Variants in NDEL1 observed in about 807,000 individuals in gnomAD.
NDEL1 encodes nuclear distribution protein nudE-like 1.
A neutral mutation model predicts 45.7 loss-of-function variants in NDEL1; 9 were observed. That is an observed-to-expected ratio of 0.20 (90% CI 0.12 to 0.34). NDEL1 has a LOEUF of 0.34. NDEL1 is among the 10% of genes least tolerant of loss of function. NDEL1 has a pLI of 1.00. For missense variants in NDEL1, 306 were observed against 406.2 expected, an observed-to-expected ratio of 0.75 and a Z score of 2.12; for synonymous variants, 133 against 158.6, an observed-to-expected ratio of 0.84 and a Z score of 1.21.
At chr17:8,448,805 A>C in intron 5 of NDEL1, 119 bp downstream of exon 5, 1 of 1,064,466 alleles carries the variant, frequency 9.4e-7, no homozygotes, top group Non-Finnish European at 1.3e-6. Context: ...TACAGTATTC[A>C]CGGCATTCAA....
chr17:8,455,106 C>A (rs1054203192), intron 7 of NDEL1, among the ~76,000 whole-genome samples: 1 of 152,200 alleles, frequency 6.6e-6, no homozygotes, highest in African/African-American at 2.4e-5. Flanking sequence ...CCCACCGGGG[C>A]ATTCTTCCTG....
rs139802755 is a variant in NDEL1, at chr17:8,450,946, A to G, written c.693A>G (p.Ser231=). ...VGKGTENTFP[S]PKAIPNGFGT... ...AAGGAACGGAGAACACTTTTCCTTC[A>G]CCGAAAGGTTTGTAATGTCTTTTCT... The change falls in exon 6 of 9, where the codon TCA becomes TCG. Residue 231 remains serine (S), a synonymous_variant. Coordinates refer to ENST00000334527, the MANE Select transcript of NDEL1 (RefSeq NM_030808.5). 1.5e-4 allele frequency: 247 copies of G among 1,608,184 alleles called. No homozygotes were observed. Among genetic ancestry groups the G allele is most frequent in the Admixed American group, 3.4e-5 (2 of 58,254 alleles).
At chr17:8,437,156 G>T (rs1172152949) in intron 1 of NDEL1, among the ~76,000 whole-genome samples, 1 of 152,180 alleles carries the variant, frequency 6.6e-6, no homozygotes, top group Non-Finnish European at 1.5e-5. Flanking sequence ...AAGTTGATGG[G>T]CACAGTGCAG....
upstream of NDEL1, among the ~76,000 whole-genome samples, chr17:8,435,126 T>C (rs1258771742): frequency 1.3e-5 from 2 of 151,978 alleles, no homozygotes; most frequent in Admixed American, 6.6e-5. Flanking sequence ...AAGAGGTATA[T>C]ATATACACAT....
chr17:8,467,256 A>C lies in NDEL1; in HGVS notation c.*233A>C. 1.7e-6 allele frequency: 1 copy of C among 585,410 alleles called. No individual in the cohort carries two copies. Among genetic ancestry groups the C allele is most frequent in the Non-Finnish European group, 3.0e-6 (1 of 329,304 alleles). 36.3% of individuals were successfully genotyped at this position (585,410 alleles called of 1,614,324 possible). The stretch of plus-strand genomic sequence containing the variant: ...GCCGTAGTGCCGTTGGTTTCACATG[A>C]TTGCACTTTTGTGGGTCGCAAGGTG... On this transcript the variant is annotated 3_prime_UTR_variant, in exon 9 of 9. Coordinates refer to ENST00000334527, the MANE Select transcript of NDEL1 (RefSeq NM_030808.5). This position sits in a 1 kb window ranked among gnomAD's most constrained non-coding sequence, Gnocchi z 6.3.
chr17:8,427,361 A>G (rs955599157), intron 1 of NDEL1, among the ~76,000 whole-genome samples: 2 of 152,184 alleles, frequency 1.3e-5, no homozygotes, highest in Non-Finnish European at 2.9e-5. Context: ...GGACCGAACC[A>G]TAGTGAGCAT....
At chr17:8,425,850 G>A (rs1225989493) in intron 1 of NDEL1, among the ~76,000 whole-genome samples, 1 of 150,992 alleles carries the variant, frequency 6.6e-6, no homozygotes, top group Non-Finnish European at 1.5e-5. Flanking sequence ...ACCAACCCAT[G>A]GTACAATCAT....
upstream of NDEL1, chr17:8,431,228 A>C (rs898035879): frequency 6.6e-6 from 1 of 152,332 alleles, no homozygotes; most frequent in African/African-American, 2.4e-5. Context: ...CACCAGGTCC[A>C]CAGGAAAGCC....
intron 7 of NDEL1, among the ~76,000 whole-genome samples, chr17:8,457,417 C>A (rs541516546): frequency 2.4e-4 from 37 of 152,218 alleles, no homozygotes; most frequent in African/African-American, 7.7e-4. Context: ...AATTTGGCAT[C>A]CTTGTATGGT....
rs752400486 is a variant in NDEL1 at position 8,467,137 on chromosome 17, C to G, written c.*114C>G. The stretch of plus-strand genomic sequence containing the variant: ...TGCCCCTCCGTCTGCCTCCGCACGG[C>G]TGGCAGAGGGCAGGCTGCATGCAGT... On this transcript the variant is annotated 3_prime_UTR_variant, in exon 9 of 9. Coordinates refer to ENST00000334527, the MANE Select transcript of NDEL1 (RefSeq NM_030808.5). This position sits in a 1 kb window ranked among gnomAD's most constrained non-coding sequence, Gnocchi z 6.3. The G allele has an allele frequency of 9.7e-7, 1 of 1,030,782 alleles. No homozygotes were observed. The highest frequency in any genetic ancestry group is 1.5e-6 in the Non-Finnish European group (1 of 687,260). The allele number at this position is 1,030,782 out of a possible 1,614,324, so 63.9% of individuals were successfully genotyped here. A position where few individuals can be genotyped will look rare whatever the true frequency, so the allele number is the denominator to read the frequency against.
chr17:8,435,643 C>A (rs901237335), upstream of NDEL1, among the ~76,000 whole-genome samples: 1 of 152,268 alleles, frequency 6.6e-6, no homozygotes, highest in Non-Finnish European at 1.5e-5. Flanking sequence ...GCACCACTCT[C>A]CCGAATAGCA....
In NDEL1 at chr17:8,445,952, C is replaced by T. The variant is rs554472957; in HGVS notation, c.240+88C>T. ...TTTTCAGGTGCTTAAGAGCAGCTGGCGACAAAAAATAGTTTGAAAAAAACG... is the reference window on the plus strand; with the variant it reads ...TTTTCAGGTGCTTAAGAGCAGCTGGTGACAAAAAATAGTTTGAAAAAAACG... On this transcript the variant is annotated intron_variant, in intron 3 of 8. Coordinates refer to ENST00000334527, the MANE Select transcript of NDEL1 (RefSeq NM_030808.5). The T allele has an allele frequency of 1.9e-5, 23 of 1,241,262 alleles. No individual in the cohort carries two copies. In the East Asian group the frequency reaches 2.8e-4, roughly 15 times the overall value. 76.9% of individuals were successfully genotyped at this position (1,241,262 alleles called of 1,614,324 possible).
intron 2 of NDEL1, chr17:8,445,087 G>A (rs1469067988): frequency 6.6e-6 from 1 of 152,164 alleles, no homozygotes; most frequent in Non-Finnish European, 1.5e-5. Flanking sequence ...TGTCATAGAT[G>A]TCTTAATGGG....
At chr17:8,432,347 A>AATATATATATATATATATTAT, upstream of NDEL1, among the ~76,000 whole-genome samples, 53 of 58,434 alleles carry the variant, frequency 9.1e-4, 3 homozygotes, top group South Asian at 4.9e-3. Context: ...ATTATATATA[A>AATATATATATATATATATTAT]ATATAAATAT....
chr17:8,425,572 A>T (rs2151696076), intron 1 of NDEL1, among the ~76,000 whole-genome samples: 1 of 134,252 alleles, frequency 7.4e-6, no homozygotes, highest in Non-Finnish European at 1.6e-5. Context: ...ACAGAGTGAG[A>T]CCTTGTCTCA....
intron 1 of NDEL1, among the ~76,000 whole-genome samples, chr17:8,428,953 A>T (rs113897194): frequency 2.6e-5 from 4 of 152,062 alleles, no homozygotes; most frequent in South Asian, 2.1e-4. Flanking sequence ...GATTACAGGC[A>T]TGAGCCACCG....
At chr17:8,469,814 C>T (rs1911791061), downstream of NDEL1, among the ~76,000 whole-genome samples, 1 of 151,064 alleles carries the variant, frequency 6.6e-6, no homozygotes, top group African/African-American at 2.4e-5. Flanking sequence ...AGCGATTCTC[C>T]TGACTCAGCC....
chr17:8,442,689 A>AT (rs58152673), intron 1 of NDEL1, among the ~76,000 whole-genome samples: 57,998 of 130,382 alleles, frequency 0.44, 11,692 homozygotes, highest in South Asian at 0.48. Flanking sequence ...CTTTAAAAAG[A>AT]TTTTTTTTTT....
intron 7 of NDEL1, among the ~76,000 whole-genome samples, chr17:8,456,492 C>CTTTTTTTTTT (rs57327945): frequency 1.2e-5 from 1 of 82,812 alleles, no homozygotes; most frequent in African/African-American, 4.3e-5. Context: ...TAGGTTATAT[C>CTTTTTTTTTT]TTTTTTTTTT....
Sources: allele counts gnomAD v4.1 joint callset (sites outside exome capture counted in the v4.1 genomes callset), GRCh38; gene constraint gnomAD v4.1.1; non-coding constraint Gnocchi (gnomAD v3.1); transcripts MANE v1.5; gene names NCBI Gene and HGNC (gene_info 2026-07-23, HGNC 2026-07-21).